Variants in SDK1 observed in about 807,000 individuals in gnomAD.
SDK1 encodes sidekick cell adhesion molecule 1.
Under a neutral mutation model 245.5 loss-of-function variants are expected in SDK1, and 157 were observed. That is an observed-to-expected ratio of 0.64 (90% CI 0.56 to 0.73). The LOEUF (loss-of-function observed/expected upper bound fraction) is 0.73. SDK1 is among the 30% of genes least tolerant of loss of function. The pLI, the probability that SDK1 is intolerant of heterozygous loss-of-function variation, is 0.00. For synonymous variants in SDK1, 1,647 were observed against 1,278.5 expected, an observed-to-expected ratio of 1.29 and a Z score of -6.15; for missense variants, 3,583 against 3,002.3, an observed-to-expected ratio of 1.19 and a Z score of -4.52.
chr7:3,552,060 C>G (rs1190776263), intron 1 of SDK1, among the ~76,000 whole-genome samples: 7 of 150,592 alleles, frequency 4.6e-5, no homozygotes, highest in African/African-American at 1.7e-4. Flanking sequence ...TTTTTTTGAG[C>G]CGGAGCCTCG....
At chr7:3,775,565 C>CT (rs200756787) in intron 4 of SDK1, among the ~76,000 whole-genome samples, 13,174 of 148,354 alleles carry the variant, frequency 0.089, 1,881 homozygotes, top group African/African-American at 0.3. Context: ...ATTAGTACCT[C>CT]TTTTTTTTTC....
At chr7:3,926,616 C>G (rs1779779006) in intron 5 of SDK1, among the ~76,000 whole-genome samples, 2 of 152,090 alleles carry the variant, frequency 1.3e-5, no homozygotes, top group Admixed American at 1.3e-4. Flanking sequence ...TGGGCTCAAG[C>G]TGTCTGCCCA....
At chr7:3,829,875 C>T (rs932929693) in intron 5 of SDK1, among the ~76,000 whole-genome samples, 4 of 152,202 alleles carry the variant, frequency 2.6e-5, no homozygotes, top group African/African-American at 7.2e-5. Flanking sequence ...TTTGCAACCC[C>T]AGTGAGGCAC....
At chr7:3,853,758 A>T (rs562378832) in intron 5 of SDK1, among the ~76,000 whole-genome samples, 1 of 152,226 alleles carries the variant, frequency 6.6e-6, no homozygotes, top group South Asian at 2.1e-4. Flanking sequence ...TGGGAGGCTG[A>T]GGTGGGCAAT....
chr7:3,565,963 G>A lies in SDK1; in HGVS notation c.299-53117G>A, dbSNP rs142014568. ...CTATAAGAGTCAATTTATTCTAGTA[G>A]TATCCAATTAAAAATGAATAAAAAC... On this transcript the variant is annotated intron_variant, in intron 1 of 44. Transcript: ENST00000404826. Among the ~76,000 whole-genome samples the A allele has an allele frequency of 8.2e-3, 1,254 of 152,170 alleles. 12 individuals are homozygous for A. Among genetic ancestry groups the A allele is most frequent in the African/African-American group, 0.021 (883 of 41,522 alleles).
Position 3,955,187 on chromosome 7 carries a change from G to A in SDK1, c.1150+3267G>A, listed in dbSNP as rs138222136. ...GGACTCTTTACCTGGTGGGGCATCT[G>A]CTGCCAGCCCCTTCAAGTTGTTCAT... is the stretch of plus-strand genomic sequence containing the variant. On this transcript the variant is annotated intron_variant, in intron 7 of 44. Transcript: ENST00000404826. 3.9e-5 allele frequency among the ~76,000 whole-genome samples: 6 copies of A among 152,306 alleles called. No individual in the cohort carries two copies. In the East Asian group the frequency reaches 1.2e-3, roughly 30 times the overall value.
intron 5 of SDK1, among the ~76,000 whole-genome samples, chr7:3,900,088 A>G (rs1320659282): frequency 6.6e-6 from 1 of 152,222 alleles, no homozygotes; most frequent in Non-Finnish European, 1.5e-5. Flanking sequence ...CAGTTTTACA[A>G]AAAAACCTAA....
intron 1 of SDK1, among the ~76,000 whole-genome samples, chr7:3,474,563 A>G (rs1430422013): frequency 1.3e-5 from 2 of 151,742 alleles, no homozygotes; most frequent in Non-Finnish European, 2.9e-5. Context: ...CCTCTCCCTC[A>G]CACTTTGTGT....
Position 4,130,369 on chromosome 7 carries a change from T to A in SDK1, c.4129+272T>A, listed in dbSNP as rs1784725156. 1.1e-5 allele frequency: 5 copies of A among 471,668 alleles called. No homozygotes were observed. The East Asian group carries it at 2.0e-4, about 19-fold the overall frequency. 29.2% of individuals were successfully genotyped at this position (471,668 alleles called of 1,614,324 possible). Reference sequence around the variant, plus strand: ...AGTGCTGGGGAGAGGCAGCAGAGGCTGGGGCGGGGCCGAGCTGTGGATGTC... The same window carrying A: ...AGTGCTGGGGAGAGGCAGCAGAGGCAGGGGCGGGGCCGAGCTGTGGATGTC... On this transcript the variant is annotated intron_variant, in intron 27 of 44. Coordinates refer to ENST00000404826, the MANE Select transcript of SDK1 (RefSeq NM_152744.4).
rs1780729267 is a variant in SDK1, at chr7:3,781,324, G to A, written c.714-40126G>A. On this transcript the variant is annotated intron_variant, in intron 4 of 44. Coordinates refer to ENST00000404826, the MANE Select transcript of SDK1 (RefSeq NM_152744.4). ...GCCCACAACCCCACCTGACATCAGA[G>A]CAAAAGCAGCAGCCCAACTAAGTTG... is the stretch of plus-strand genomic sequence containing the variant. Among the ~76,000 whole-genome samples, 3 of 152,112 alleles carry A rather than the reference G, an allele frequency of 2.0e-5. No homozygotes were observed. In the South Asian group the frequency reaches 6.2e-4, roughly 32 times the overall value.
chr7:3,812,290 A>G lies in SDK1; in HGVS notation c.714-9160A>G, dbSNP rs12113390. Among the ~76,000 whole-genome samples, 1,066 of 152,354 alleles carry G rather than the reference A, an allele frequency of 7.0e-3. 13 individuals are homozygous for G. The highest frequency in any genetic ancestry group is 0.024 in the African/African-American group (998 of 41,568). On this transcript the variant is annotated intron_variant, in intron 4 of 44. Transcript: ENST00000404826. ...TCCCTTCTTTTTCTTCATTAATTTA[A>G]CACACATTTATCGACTACACACTGT...
chr7:3,708,255 A>G (rs1784946774), intron 4 of SDK1, among the ~76,000 whole-genome samples: 1 of 152,128 alleles, frequency 6.6e-6, no homozygotes, highest in African/African-American at 2.4e-5. Context: ...GCACTAAACC[A>G]TTCATGAGAA....
intron 17 of SDK1, among the ~76,000 whole-genome samples, chr7:4,025,360 G>T (rs1052390875): frequency 4.1e-4 from 62 of 152,358 alleles, no homozygotes; most frequent in African/African-American, 1.4e-3. Flanking sequence ...ACGGGTCTGA[G>T]TGAGGGCGTG....
chr7:3,340,809 A>G (rs1017022039), intron 1 of SDK1, among the ~76,000 whole-genome samples: 9 of 151,922 alleles, frequency 5.9e-5, no homozygotes, highest in Non-Finnish European at 1.2e-4. Context: ...ATAAAGTGCA[A>G]TAAAACAAGG....
At chr7:4,141,818 G>A (rs748752452) in intron 28 of SDK1, among the ~76,000 whole-genome samples, 12 of 152,140 alleles carry the variant, frequency 7.9e-5, no homozygotes, top group South Asian at 2.1e-4. Context: ...GTGCAGTGGC[G>A]TGATCTTGGC....
At chr7:4,243,488 A>T (rs1786653949) in intron 43 of SDK1, among the ~76,000 whole-genome samples, 3 of 152,174 alleles carry the variant, frequency 2.0e-5, no homozygotes, top group South Asian at 4.1e-4. Flanking sequence ...GGTTTAATGG[A>T]CTCACAGTTC....
In SDK1 at chr7:4,265,016, G is replaced by C. The variant is rs908781407; in HGVS notation, c.6382-108G>C. 1.5e-5 allele frequency: 22 copies of C among 1,486,594 alleles called. No homozygotes were observed. In the East Asian group the frequency reaches 4.7e-4, roughly 32 times the overall value. The allele number at this position is 1,486,594 out of a possible 1,614,324, so 92.1% of individuals were successfully genotyped here. ...TGGGGTGGGGAGAGGGCTGGAGACC[G>C]CGACACACGCCCCTGGGGAGGTGCC... On this transcript the variant is annotated intron_variant, in intron 44 of 44. Coordinates refer to ENST00000404826, the MANE Select transcript of SDK1 (RefSeq NM_152744.4).
intron 30 of SDK1, among the ~76,000 whole-genome samples, chr7:4,157,444 G>A (rs995510447): frequency 4.0e-5 from 5 of 124,742 alleles, no homozygotes; most frequent in East Asian, 2.1e-4. Flanking sequence ...GAGAAAAGGA[G>A]GGAAGGGAGG....
chr7:3,701,818 C>G (rs1409592484), intron 4 of SDK1, among the ~76,000 whole-genome samples: 2 of 148,150 alleles, frequency 1.3e-5, no homozygotes, highest in Non-Finnish European at 3.0e-5. Context: ...GAAATAGGCC[C>G]ACATAAGTAC....
Sources: gnomAD v4.1 joint callset for allele counts (sites outside exome capture counted in the v4.1 genomes callset) on GRCh38, gnomAD v4.1.1 for gene constraint, MANE v1.5 for transcripts, NCBI Gene and HGNC (gene_info 2026-07-23, HGNC 2026-07-21) for gene names.